The following MYO3B variants were observed in gnomAD, a reference collection of about 807,000 sequenced individuals.
MYO3B encodes the protein myosin IIIB, also known as myosin-IIIb.
In MYO3B, 156 loss-of-function variants were observed where a neutral mutation model predicts 174.6. That is an observed-to-expected ratio of 0.89 (90% CI 0.78 to 1.02). The LOEUF (loss-of-function observed/expected upper bound fraction) is 1.02. MYO3B is among the 50% of genes least tolerant of loss of function. The probability of loss-of-function intolerance (pLI) is 0.00; values close to 1 mark genes in which losing one functional copy is unlikely to be tolerated. For missense variants in MYO3B, 1,632 were observed against 1,639.4 expected (o/e 1.00, Z 0.08); for synonymous variants, 563 against 569.1 (o/e 0.99, Z 0.15).
chr2:170,603,235 G>GC (rs555039231), intron 32 of MYO3B, among the ~76,000 whole-genome samples: 118 of 151,792 alleles, frequency 7.8e-4, no homozygotes, highest in South Asian at 7.7e-3. Context: ...TGAAATCCAC[G>GC]CCCCCCCAAC....
chr2:170,246,999 G>A (rs995946831), intron 7 of MYO3B, among the ~76,000 whole-genome samples: 1 of 152,142 alleles, frequency 6.6e-6, no homozygotes, highest in East Asian at 1.9e-4. Flanking sequence ...ATACTTGGCA[G>A]TTCTCAGTCT....
intron 30 of MYO3B, among the ~76,000 whole-genome samples, chr2:170,527,097 C>T (rs957045946): frequency 2.6e-5 from 4 of 152,170 alleles, no homozygotes; most frequent in Non-Finnish European, 5.9e-5. Context: ...CCTTCAAGGT[C>T]TCATTCGTGT....
At chr2:170,513,006 G>T (rs1359061641) in intron 28 of MYO3B, among the ~76,000 whole-genome samples, 1 of 152,168 alleles carries the variant, frequency 6.6e-6, no homozygotes, top group East Asian at 1.9e-4. Flanking sequence ...TGAGAACAAT[G>T]CATGGAACAT....
At position 170,216,955 on chromosome 2, in the gene MYO3B, C is replaced by T. The variant is rs1287084067; in HGVS notation, c.527-364C>T. Among the ~76,000 whole-genome samples the T allele has an allele frequency of 3.3e-5, 5 of 151,672 alleles. No homozygotes were observed. The South Asian group carries it at 6.2e-4, about 19-fold the overall frequency. ...CTCCAGAGTTGTAGTTTGGCAACTACAGCTAGTGAGCCAAATATGACCTAC... is the reference window on the plus strand; with the variant it reads ...CTCCAGAGTTGTAGTTTGGCAACTATAGCTAGTGAGCCAAATATGACCTAC... On this transcript the variant is annotated intron_variant, in intron 5 of 34. Coordinates refer to ENST00000408978, the MANE Select transcript of MYO3B (RefSeq NM_138995.5).
At chr2:170,262,738 C>T (rs2093354646) in intron 7 of MYO3B, among the ~76,000 whole-genome samples, 1 of 152,186 alleles carries the variant, frequency 6.6e-6, no homozygotes, top group Non-Finnish European at 1.5e-5. Flanking sequence ...TGGGCCTGTG[C>T]TCTTCCCTGT....
chr2:170,466,035 T>G (rs912717873), intron 24 of MYO3B, among the ~76,000 whole-genome samples: 4 of 152,200 alleles, frequency 2.6e-5, no homozygotes, highest in African/African-American at 9.7e-5. Context: ...TTTCTTTGCC[T>G]TGTTTTTGTA....
At chr2:170,432,041 T>G (rs1198549714) in intron 22 of MYO3B, among the ~76,000 whole-genome samples, 2 of 152,240 alleles carry the variant, frequency 1.3e-5, no homozygotes, top group East Asian at 3.8e-4. Flanking sequence ...ACAGATACAG[T>G]TATGTGCAGT....
chr2:170,582,425 A>C (rs1339041376), intron 32 of MYO3B, among the ~76,000 whole-genome samples: 1 of 152,068 alleles, frequency 6.6e-6, no homozygotes, highest in Non-Finnish European at 1.5e-5. Context: ...CCTCCTCTTC[A>C]GTTCTGGTAT....
In MYO3B at chr2:170,407,857, C is replaced by T. The variant is rs779294270; in HGVS notation, c.2650+13C>T. 2.5e-6 allele frequency: 4 copies of T among 1,613,614 alleles called. No individual in the cohort carries two copies. The East Asian group carries it at 8.9e-5, about 36-fold the overall frequency. On this transcript the variant is annotated intron_variant, in intron 22 of 34. Transcript: ENST00000408978. Reference sequence around the variant, plus strand: ...CTGACCAAAACAGGTACTTGGGAACCCTCTGATAGCCCTGCTCTTAAAGCT... The same window carrying T: ...CTGACCAAAACAGGTACTTGGGAACTCTCTGATAGCCCTGCTCTTAAAGCT...
rs1223188999 is a variant in MYO3B at position 170,322,129 on chromosome 2, A to T, written c.750-13256A>T. Among the ~76,000 whole-genome samples the T allele has an allele frequency of 3.9e-5, 6 of 151,972 alleles. 1 individual carries two copies. In the South Asian group the frequency reaches 1.3e-3, roughly 32 times the overall value. On this transcript the variant is annotated intron_variant, in intron 7 of 34. Coordinates refer to ENST00000408978, the MANE Select transcript of MYO3B (RefSeq NM_138995.5). The stretch of plus-strand genomic sequence containing the variant: ...CTCCGTCTCGAAAAAAAAAAAAAAA[A>T]AAAGAGTAGCAGCACTATAATATAG...
At chr2:170,575,706 G>T (rs572527895) in intron 32 of MYO3B, among the ~76,000 whole-genome samples, 33 of 152,300 alleles carry the variant, frequency 2.2e-4, no homozygotes, top group African/African-American at 7.7e-4. Context: ...TGGGTAACAA[G>T]ATTATAGGCA....
intron 6 of MYO3B, among the ~76,000 whole-genome samples, chr2:170,222,214 G>A (rs2092908624): frequency 6.6e-6 from 1 of 152,128 alleles, no homozygotes; most frequent in South Asian, 2.1e-4. Context: ...ATATCTGAGG[G>A]GCAGTAGTGG....
intron 7 of MYO3B, among the ~76,000 whole-genome samples, chr2:170,306,473 A>G (rs2093701374): frequency 6.6e-6 from 1 of 152,232 alleles, no homozygotes; most frequent in Non-Finnish European, 1.5e-5. Context: ...CCAGAAATGT[A>G]CATATACAAT....
At chr2:170,271,644 A>C (rs1266929705) in intron 7 of MYO3B, among the ~76,000 whole-genome samples, 2 of 152,176 alleles carry the variant, frequency 1.3e-5, no homozygotes, top group Non-Finnish European at 2.9e-5. Flanking sequence ...TTTAACATGC[A>C]ATGAACTCTG....
intron 7 of MYO3B, among the ~76,000 whole-genome samples, chr2:170,297,367 G>A (rs1302541199): frequency 6.6e-6 from 1 of 151,972 alleles, no homozygotes; most frequent in Non-Finnish European, 1.5e-5. Context: ...TGTATACCTT[G>A]TAAAAAGAGT....
At position 170,379,726 on chromosome 2, in the gene MYO3B, CTGCTT is replaced by C. The variant is rs112570315; in HGVS notation, c.972-2289_972-2285del. On this transcript the variant is annotated intron_variant, in intron 9 of 34. Coordinates refer to ENST00000408978, the MANE Select transcript of MYO3B (RefSeq NM_138995.5). ...AATAATTCTGTTTAATAATTTTAAA[CTGCTT>C]AGGTTATAAATTTGATTTGATTAAA... Among the ~76,000 whole-genome samples the C allele has an allele frequency of 7.5e-3, 1,143 of 152,262 alleles. 23 individuals are homozygous for C. The highest frequency in any genetic ancestry group is 0.026 in the African/African-American group (1,063 of 41,548).
intron 29 of MYO3B, 126 bp from the exon 30 acceptor site, chr2:170,519,312 C>A (rs1575108092): frequency 3.2e-6 from 2 of 619,716 alleles, no homozygotes; most frequent in Non-Finnish European, 5.5e-6. Flanking sequence ...AGAAAAAAAA[C>A]CTATAGAAAG....
chr2:170,257,693 G>A (rs760184540), intron 7 of MYO3B, among the ~76,000 whole-genome samples: 1 of 151,692 alleles, frequency 6.6e-6, no homozygotes, highest in African/African-American at 2.4e-5. Flanking sequence ...AAACAAGAAC[G>A]AACCCCAGAG....
At chr2:170,237,680 C>A (rs1382337051) in intron 7 of MYO3B, among the ~76,000 whole-genome samples, 1 of 152,214 alleles carries the variant, frequency 6.6e-6, no homozygotes, top group Non-Finnish European at 1.5e-5. Context: ...GCCTCCAGAT[C>A]TCCAGATGTG....
Sources: gnomAD v4.1 joint callset for allele counts (sites outside exome capture counted in the v4.1 genomes callset) on GRCh38, gnomAD v4.1.1 for gene constraint, MANE v1.5 for transcripts, NCBI Gene and HGNC (gene_info 2026-07-23, HGNC 2026-07-21) for gene names.